The following CADM2 variants were observed in gnomAD, a reference collection of about 807,000 sequenced individuals.
The protein encoded by CADM2 is immunoglobulin superfamily member 4D.
CADM2 carries 12 observed loss-of-function variants against 49.8 expected under a neutral mutation model. The ratio of observed to expected loss-of-function variants is 0.24; its 90% CI spans 0.15 to 0.39. The LOEUF (loss-of-function observed/expected upper bound fraction) is 0.39, where lower values mean the gene tolerates loss of function less well. CADM2 is among the 10% of genes least tolerant of loss of function. The pLI is 1.00. For missense variants in CADM2, 378 were observed against 492.3 expected (o/e 0.77, Z 2.20); for synonymous variants, 214 against 175.4 (o/e 1.22, Z -1.74).
At chr3:85,800,114 G>C (rs1045940696) in intron 2 of CADM2, 1 of 152,240 alleles carries the variant, frequency 6.6e-6, no homozygotes. Context: ...AGGCAGTGTG[G>C]AAACAGAGGA....
intron 1 of CADM2, among the ~76,000 whole-genome samples, chr3:85,238,045 T>A (rs1316319986): frequency 6.6e-6 from 1 of 151,960 alleles, no homozygotes; most frequent in East Asian, 1.9e-4. Flanking sequence ...GAATAACACC[T>A]ACTTGATATT....
intron 1 of CADM2, among the ~76,000 whole-genome samples, chr3:85,212,868 T>TCTCTCTC (rs1194802348): frequency 2.0e-5 from 2 of 97,988 alleles, no homozygotes; most frequent in East Asian, 2.1e-4. Context: ...CTTTCTTTCT[T>TCTCTCTC]TCTTTCTTTC....
At chr3:85,645,146 T>C (rs2064843993) in intron 1 of CADM2, among the ~76,000 whole-genome samples, 1 of 152,130 alleles carries the variant, frequency 6.6e-6, no homozygotes, top group Admixed American at 6.6e-5. Context: ...AGCCATCATT[T>C]TTAATAGTTA....
chr3:85,195,409 G>T (rs1327341278), intron 1 of CADM2, among the ~76,000 whole-genome samples: 6 of 152,102 alleles, frequency 3.9e-5, no homozygotes, highest in Admixed American at 3.9e-4. Context: ...AGTCCCATCA[G>T]GTAAAACCTG....
At chr3:85,248,306 G>T (rs1000058965) in intron 1 of CADM2, among the ~76,000 whole-genome samples, 1 of 151,324 alleles carries the variant, frequency 6.6e-6, no homozygotes, top group East Asian at 1.9e-4. Flanking sequence ...ACAGAGTCTC[G>T]CTCGGTCGCC....
intron 7 of CADM2, among the ~76,000 whole-genome samples, chr3:85,948,570 C>A (rs776558218): frequency 6.6e-5 from 10 of 151,182 alleles, no homozygotes; most frequent in Non-Finnish European, 1.3e-4. Context: ...ATTCCTTAGC[C>A]ACTTACTCAA....
chr3:85,910,333 TA>T (rs972137718), intron 5 of CADM2, among the ~76,000 whole-genome samples: 1 of 151,952 alleles, frequency 6.6e-6, no homozygotes, highest in Non-Finnish European at 1.5e-5. Context: ...CATAGAGTTA[TA>T]AAAAAAGAAA....
intron 1 of CADM2, among the ~76,000 whole-genome samples, chr3:85,298,660 G>T (rs946063684): frequency 1.3e-5 from 2 of 152,118 alleles, no homozygotes; most frequent in Non-Finnish European, 1.5e-5. Context: ...GTGCAGCAAA[G>T]AAAATGTTTG....
chr3:85,279,050 A>T (rs1009048915), intron 1 of CADM2, among the ~76,000 whole-genome samples: 3 of 151,514 alleles, frequency 2.0e-5, no homozygotes, highest in Non-Finnish European at 4.4e-5. Context: ...TAAAAGAGAG[A>T]TGCATATACT....
intron 1 of CADM2, among the ~76,000 whole-genome samples, chr3:85,082,006 C>CA (rs2037182795): frequency 6.6e-6 from 1 of 152,116 alleles, no homozygotes; most frequent in Non-Finnish European, 1.5e-5. Flanking sequence ...TTTTCCTTCA[C>CA]AAACCATTCT....
chr3:84,980,029 T>C (rs545513692), intron 1 of CADM2, among the ~76,000 whole-genome samples: 318 of 152,318 alleles, frequency 2.1e-3, no homozygotes, highest in African/African-American at 7.4e-3. Flanking sequence ...AGTATGTCAT[T>C]CAATAAAGGT....
chr3:85,182,256 T>A (rs1237866044), intron 1 of CADM2, among the ~76,000 whole-genome samples: 1 of 152,074 alleles, frequency 6.6e-6, no homozygotes, highest in African/African-American at 2.4e-5. Context: ...CAGTGAGGGC[T>A]GAAATTAGTG....
rs188841017 is a variant in CADM2 at position 86,035,404 on chromosome 3, A to G, written c.971-30201A>G. Among the ~76,000 whole-genome samples the G allele has an allele frequency of 2.5e-3, 380 of 152,144 alleles. 1 individual carries two copies. Among genetic ancestry groups the G allele is most frequent in the African/African-American group, 8.9e-3 (368 of 41,526 alleles). Reference sequence around the variant, plus strand: ...TTCTACTGCTTCTGTTCATCATCTAATGGTAATTCCTTGTATATTGGTTTG... The same window carrying G: ...TTCTACTGCTTCTGTTCATCATCTAGTGGTAATTCCTTGTATATTGGTTTG... On this transcript the variant is annotated intron_variant, in intron 8 of 9. Coordinates refer to ENST00000383699, the MANE Select transcript of CADM2 (RefSeq NM_001167675.2).
intron 1 of CADM2, among the ~76,000 whole-genome samples, chr3:85,554,890 T>A (rs1032146866): frequency 1.6e-4 from 24 of 151,506 alleles, no homozygotes; most frequent in Admixed American, 8.6e-4. Context: ...TTATTTTTTT[T>A]TTTTTTGTGC....
intron 1 of CADM2, among the ~76,000 whole-genome samples, chr3:84,961,103 T>C (rs1292859041): frequency 6.6e-6 from 1 of 152,040 alleles, no homozygotes; most frequent in African/African-American, 2.4e-5. Flanking sequence ...TTTCCCTGGG[T>C]AAAAGGGATC....
chr3:85,660,989 G>C (rs1413758841), intron 1 of CADM2, among the ~76,000 whole-genome samples: 1 of 151,660 alleles, frequency 6.6e-6, no homozygotes, highest in Non-Finnish European at 1.5e-5. Context: ...ACCACTTTCA[G>C]AATGAAAGTT....
chr3:85,422,980 T>G (rs1400241365), intron 1 of CADM2, among the ~76,000 whole-genome samples: 1 of 152,106 alleles, frequency 6.6e-6, no homozygotes, highest in East Asian at 1.9e-4. Flanking sequence ...TGAATTCTTC[T>G]CCTGCGTCCA....
At chr3:84,962,346 C>T (rs1286703196) in intron 1 of CADM2, among the ~76,000 whole-genome samples, 1 of 151,812 alleles carries the variant, frequency 6.6e-6, no homozygotes, top group African/African-American at 2.4e-5. Flanking sequence ...TTTATGGCTG[C>T]CTCACATTTA....
At chr3:85,628,700 G>T (rs1399541941) in intron 1 of CADM2, among the ~76,000 whole-genome samples, 1 of 147,650 alleles carries the variant, frequency 6.8e-6, no homozygotes, top group East Asian at 2.0e-4. Flanking sequence ...TAATTTGCTT[G>T]CTATAAGATT....
Sources: gnomAD v4.1 joint callset for allele counts (sites outside exome capture counted in the v4.1 genomes callset) on GRCh38, gnomAD v4.1.1 for gene constraint, MANE v1.5 for transcripts, NCBI Gene and HGNC (gene_info 2026-07-23, HGNC 2026-07-21) for gene names.